The following SCRG1 variants were observed in gnomAD, a reference collection of about 807,000 sequenced individuals.
SCRG1 encodes scrapie-responsive protein 1.
Under a neutral mutation model 7.7 loss-of-function variants are expected in SCRG1, and 3 were observed. The ratio of observed to expected loss-of-function variants is 0.39; its 90% CI spans 0.18 to 1.01. The LOEUF (loss-of-function observed/expected upper bound fraction) is 1.01. Ranked by LOEUF, SCRG1 falls within the 50% of genes least tolerant of loss-of-function variation. SCRG1 has a pLI of 0.36. For missense variants in SCRG1, 110 were observed against 117.2 expected (o/e 0.94, Z 0.28); for synonymous variants, 46 against 41.2 (o/e 1.12, Z -0.44).
the SCRG1 span, among the ~76,000 whole-genome samples, chr4:173,483,372 T>TATATTA: frequency 6.1e-5 from 1 of 16,478 alleles, no homozygotes; most frequent in Admixed American, 9.2e-4. Flanking sequence ...ATATGTAATA[T>TATATTA]TATATTATAT....
chr4:173,398,434 C>T (rs1415737255), intron 1 of SCRG1: 1 of 152,134 alleles, frequency 6.6e-6, no homozygotes, highest in African/African-American at 2.4e-5. Flanking sequence ...CTTTTCATAG[C>T]CTGTGTAATT....
chr4:173,420,080 A>C, the SCRG1 span: 9 of 595,632 alleles, frequency 1.5e-5, no homozygotes, highest in South Asian at 1.3e-4. Context: ...CATCTTCTAA[A>C]TTTCACTTGG....
chr4:173,423,096 C>T, the SCRG1 span, among the ~76,000 whole-genome samples: 2 of 152,066 alleles, frequency 1.3e-5, no homozygotes. Flanking sequence ...TGCTATGAAC[C>T]TCATGACATT....
chr4:173,455,891 G>A, the SCRG1 span, among the ~76,000 whole-genome samples: 2 of 152,134 alleles, frequency 1.3e-5, no homozygotes, highest in African/African-American at 4.8e-5. Context: ...GAAAGACCTG[G>A]GAGGCCATGC....
At chr4:173,394,260 C>CT (rs1287224590) in intron 1 of SCRG1, among the ~76,000 whole-genome samples, 47 of 150,270 alleles carry the variant, frequency 3.1e-4, no homozygotes, top group African/African-American at 8.8e-4. Context: ...TCTTCTTCTT[C>CT]TTTTTTTTTC....
chr4:173,413,064 A>G, the SCRG1 span, among the ~76,000 whole-genome samples: 99 of 152,098 alleles, frequency 6.5e-4, no homozygotes, highest in Non-Finnish European at 1.2e-3. Flanking sequence ...AACCACCCCT[A>G]TGGACACTGA....
At chr4:173,399,741 A>C (rs916520009), upstream of SCRG1, among the ~76,000 whole-genome samples, 1 of 97,164 alleles carries the variant, frequency 1.0e-5, no homozygotes, top group Non-Finnish European at 2.4e-5. Flanking sequence ...AAGAAATTTT[A>C]TTCTGTTTTC....
the SCRG1 span, among the ~76,000 whole-genome samples, chr4:173,506,461 G>C: frequency 1.3e-5 from 2 of 152,146 alleles, no homozygotes; most frequent in African/African-American, 4.8e-5. The surrounding 1 kb of genome is among the most constrained non-coding windows in gnomAD (Gnocchi z 5.3). Flanking sequence ...CTACAGCCAG[G>C]TCTGCTCTCT....
At chr4:173,499,605 T>C in the SCRG1 span, among the ~76,000 whole-genome samples, 1 of 152,324 alleles carries the variant, frequency 6.6e-6, no homozygotes, top group Admixed American at 6.5e-5. This position sits in a 1 kb window ranked among gnomAD's most constrained non-coding sequence, Gnocchi z 4.1. Flanking sequence ...TACTGAACAA[T>C]GTGCTAAGGC....
At chr4:173,442,505 G>A in the SCRG1 span, among the ~76,000 whole-genome samples, 3 of 152,134 alleles carry the variant, frequency 2.0e-5, no homozygotes, top group Admixed American at 6.5e-5. Context: ...ATCACCTAAC[G>A]TTCAAACTTA....
the SCRG1 span, among the ~76,000 whole-genome samples, chr4:173,456,618 A>T: frequency 1.1e-4 from 16 of 152,192 alleles, no homozygotes; most frequent in Non-Finnish European, 1.5e-5. Context: ...ATTTGAAAAC[A>T]TCTCCTGTTG....
chr4:173,391,730 C>A (rs1157120851), intron 1 of SCRG1, among the ~76,000 whole-genome samples: 1 of 152,148 alleles, frequency 6.6e-6, no homozygotes, highest in East Asian at 1.9e-4. Flanking sequence ...AAGTTTGAGA[C>A]CAGTCTAAGC....
At chr4:173,452,296 G>A in the SCRG1 span, among the ~76,000 whole-genome samples, 1 of 152,140 alleles carries the variant, frequency 6.6e-6, no homozygotes, top group Non-Finnish European at 1.5e-5. Context: ...TTGAATGGAG[G>A]TGGATCATCA....
the SCRG1 span, among the ~76,000 whole-genome samples, chr4:173,452,884 C>A: frequency 1.8e-3 from 274 of 152,338 alleles, 1 homozygote; most frequent in African/African-American, 6.3e-3. Flanking sequence ...AGATTTCTAT[C>A]TCTAATCTCT....
chr4:173,476,363 A>AAAAAATATATATATATAT, the SCRG1 span, among the ~76,000 whole-genome samples: 27 of 98,500 alleles, frequency 2.7e-4, no homozygotes, highest in African/African-American at 7.4e-4. Flanking sequence ...GGAAAAAAAA[A>AAAAAATATATATATATAT]ATATATATAT....
the SCRG1 span, chr4:173,420,033 G>A: frequency 1.6e-6 from 1 of 638,334 alleles, no homozygotes; most frequent in Non-Finnish European, 2.9e-6. Context: ...GTATCACCAA[G>A]CATTTCTGAG....
At chr4:173,390,107 G>A (rs931951851) in intron 2 of SCRG1, among the ~76,000 whole-genome samples, 1 of 152,028 alleles carries the variant, frequency 6.6e-6, no homozygotes, top group Admixed American at 6.5e-5. Context: ...GCAATGGCAC[G>A]ATCTAGGCTC....
At chr4:173,454,567 A>C in the SCRG1 span, among the ~76,000 whole-genome samples, 2 of 152,220 alleles carry the variant, frequency 1.3e-5, no homozygotes, top group African/African-American at 4.8e-5. Flanking sequence ...ATTGATTTAT[A>C]GTATCATTAA....
chr4:173,499,352 C>T, the SCRG1 span, among the ~76,000 whole-genome samples: 3 of 152,304 alleles, frequency 2.0e-5, no homozygotes, highest in East Asian at 5.8e-4. The surrounding 1 kb of genome is among the most constrained non-coding windows in gnomAD (Gnocchi z 4.1). Context: ...ACTGCCTAAA[C>T]TTTTAGCCAC....
Sources: allele counts gnomAD v4.1 joint callset (sites outside exome capture counted in the v4.1 genomes callset), GRCh38; gene constraint gnomAD v4.1.1; non-coding constraint Gnocchi (gnomAD v3.1); transcripts MANE v1.5; gene names NCBI Gene and HGNC (gene_info 2026-07-23, HGNC 2026-07-21).